The following MICU3 variants were observed in gnomAD, a reference collection of about 807,000 sequenced individuals.
MICU3 encodes mitochondrial calcium uptake 3.
MICU3 carries 62 observed loss-of-function variants against 66.5 expected under a neutral mutation model. The ratio of observed to expected loss-of-function variants is 0.93; its 90% CI spans 0.76 to 1.15. The LOEUF (loss-of-function observed/expected upper bound fraction) is 1.15, where lower values mean the gene tolerates loss of function less well. Ranked by LOEUF, MICU3 falls within the 50% of genes most tolerant of loss-of-function variation. The pLI, the probability that MICU3 is intolerant of heterozygous loss-of-function variation, is 0.00. For missense variants in MICU3, 779 were observed against 664.4 expected (o/e 1.17, Z -1.90); for synonymous variants, 308 against 240.7 (o/e 1.28, Z -2.59).
intron 1 of MICU3, among the ~76,000 whole-genome samples, chr8:17,063,525 C>A (rs982570774): frequency 6.6e-6 from 1 of 152,012 alleles, no homozygotes; most frequent in African/African-American, 2.4e-5. Context: ...AAAAGAGACC[C>A]CTAAAATTCA....
At chr8:17,097,758 C>T (rs768504886) in intron 8 of MICU3, among the ~76,000 whole-genome samples, 4 of 151,620 alleles carry the variant, frequency 2.6e-5, no homozygotes, top group Admixed American at 6.6e-5. Context: ...GTTAGGCTTG[C>T]AGTTTGACAT....
chr8:17,037,118 G>A (rs1335158513), intron 1 of MICU3, among the ~76,000 whole-genome samples: 3 of 152,186 alleles, frequency 2.0e-5, no homozygotes, highest in African/African-American at 7.2e-5. Flanking sequence ...CGACTGCGGG[G>A]CCTGCCAAGC....
rs565903682 is a variant in MICU3, at chr8:17,058,532, G to T, written c.382-5552G>T. Among the ~76,000 whole-genome samples, 477 of 149,370 alleles carry T rather than the reference G, an allele frequency of 3.2e-3. 2 individuals are homozygous for T. Among genetic ancestry groups the T allele is most frequent in the South Asian group, 6.2e-3 (29 of 4,700 alleles). On this transcript the variant is annotated intron_variant, in intron 1 of 14. Transcript: ENST00000318063. The stretch of plus-strand genomic sequence containing the variant: ...GTCATGTTCCGCCTTTATTATTGAT[G>T]TTTTTTTTTTCTTGAATGTTTATAA...
chr8:17,135,994 C>G, the MICU3 span, among the ~76,000 whole-genome samples: 1 of 152,062 alleles, frequency 6.6e-6, no homozygotes, highest in Non-Finnish European at 1.5e-5. Flanking sequence ...ATGTTAGCTT[C>G]TTCATCTATA....
At chr8:17,102,494 A>G (rs1801351155) in intron 9 of MICU3, 1 of 131,494 alleles carries the variant, frequency 7.6e-6, no homozygotes, top group Non-Finnish European at 1.5e-5. Context: ...TTCCCATTTT[A>G]TAGATAAGAA....
intron 1 of MICU3, among the ~76,000 whole-genome samples, chr8:17,062,362 T>C (rs954000075): frequency 2.6e-5 from 4 of 152,180 alleles, no homozygotes; most frequent in African/African-American, 7.2e-5. Context: ...TCCATATAGA[T>C]TGATATTCAT....
chr8:17,103,484 C>T (rs1801459577), intron 9 of MICU3, among the ~76,000 whole-genome samples: 1 of 151,624 alleles, frequency 6.6e-6, no homozygotes, highest in African/African-American at 2.4e-5. Flanking sequence ...TCTTTTTTCA[C>T]ATTTCCTAGG....
chr8:17,110,764 T>G (rs376596556), intron 11 of MICU3, among the ~76,000 whole-genome samples: 1 of 151,864 alleles, frequency 6.6e-6, no homozygotes, highest in East Asian at 1.9e-4. Context: ...GACAGGGTTT[T>G]TTTTTGTTTG....
At chr8:17,130,209 A>G in the MICU3 span, among the ~76,000 whole-genome samples, 2,751 of 152,278 alleles carry the variant, frequency 0.018, 219 homozygotes, top group East Asian at 0.26. Flanking sequence ...AAAATATACA[A>G]TGTTTTCCCT....
At chr8:17,100,080 C>T (rs565266013) in intron 9 of MICU3, among the ~76,000 whole-genome samples, 84 of 151,894 alleles carry the variant, frequency 5.5e-4, no homozygotes, top group African/African-American at 1.9e-3. Flanking sequence ...GCTTTTACAG[C>T]TTCCCAGAGC....
chr8:17,130,865 C>T, the MICU3 span, among the ~76,000 whole-genome samples: 2 of 152,152 alleles, frequency 1.3e-5, no homozygotes, highest in Non-Finnish European at 2.9e-5. Flanking sequence ...TGTAAGTTCA[C>T]TAAACATTCC....
Position 17,046,124 on chromosome 8 carries a change from T to A in MICU3, c.382-17960T>A, listed in dbSNP as rs79674710. Among the ~76,000 whole-genome samples the A allele has an allele frequency of 8.4e-3, 1,275 of 152,320 alleles. 14 individuals carry two copies. The highest frequency in any genetic ancestry group is 0.029 in the African/African-American group (1,203 of 41,562). On this transcript the variant is annotated intron_variant, in intron 1 of 14. Transcript: ENST00000318063. The stretch of plus-strand genomic sequence containing the variant: ...CAAATTATTTGAATCCAAAGAGGGA[T>A]CATGTGAACCCCAGCTTGAAGCTAG...
downstream of MICU3, among the ~76,000 whole-genome samples, chr8:17,123,791 CATG>C (rs547151172): frequency 1.3e-5 from 2 of 151,796 alleles, no homozygotes; most frequent in Admixed American, 6.6e-5. Flanking sequence ...GTTTATATGA[CATG>C]ATCTGTAAAA....
rs1803257248 is a variant in MICU3 at position 17,122,390 on chromosome 8, A to G, written c.*2103A>G. 1 of 151,918 alleles carries G rather than the reference A, an allele frequency of 6.6e-6. No individual in the cohort carries two copies. Among genetic ancestry groups the G allele is most frequent in the African/African-American group, 2.4e-5 (1 of 41,464 alleles). 9.4% of individuals were successfully genotyped at this position (151,918 alleles called of 1,614,324 possible). A position where few individuals can be genotyped will look rare whatever the true frequency, so the allele number is the denominator to read the frequency against. Reference sequence around the variant, plus strand: ...AAATAATAATGTACTGACTACATGTATGCTGTTATTGTCAGTGTTTCCTTC... The same window carrying G: ...AAATAATAATGTACTGACTACATGTGTGCTGTTATTGTCAGTGTTTCCTTC... On this transcript the variant is annotated 3_prime_UTR_variant, in exon 15 of 15. Coordinates refer to ENST00000318063, the MANE Select transcript of MICU3 (RefSeq NM_181723.3).
intron 1 of MICU3, among the ~76,000 whole-genome samples, chr8:17,041,760 G>C (rs1164047978): frequency 6.6e-6 from 1 of 152,176 alleles, no homozygotes; most frequent in Non-Finnish European, 1.5e-5. Context: ...TAATAGGAGG[G>C]ATGCTGTTTC....
At chr8:17,135,815 A>G in the MICU3 span, among the ~76,000 whole-genome samples, 4 of 152,118 alleles carry the variant, frequency 2.6e-5, no homozygotes, top group Non-Finnish European at 4.4e-5. Flanking sequence ...ATCATCTCAA[A>G]TGCCTTTCAG....
chr8:17,047,234 G>T (rs953390258), intron 1 of MICU3, among the ~76,000 whole-genome samples: 1 of 152,178 alleles, frequency 6.6e-6, no homozygotes, highest in Non-Finnish European at 1.5e-5. Flanking sequence ...GCCATTGGAG[G>T]CCAGGTTGGC....
Position 17,027,785 on chromosome 8 carries a change from C to A in MICU3, c.381+125C>A, listed in dbSNP as rs1585125797. On this transcript the variant is annotated intron_variant, in intron 1 of 14. Transcript: ENST00000318063. ...CCGCGGGTGAGGAACTTCCCGTGAG[C>A]GAGGCTGACACCTAGGCCGGACAGC... 11 of 1,160,722 alleles carry A rather than the reference C, an allele frequency of 9.5e-6. No individual in the cohort carries two copies. The East Asian group carries it at 3.5e-4, about 37-fold the overall frequency. The allele number at this position is 1,160,722 out of a possible 1,614,324, so 71.9% of individuals were successfully genotyped here.
chr8:17,125,240 G>T (rs189613504), downstream of MICU3, among the ~76,000 whole-genome samples: 184 of 151,516 alleles, frequency 1.2e-3, no homozygotes, highest in African/African-American at 3.9e-3. Context: ...TTCTTGAGGG[G>T]TTTTTTTAAT....
Sources: allele counts gnomAD v4.1 joint callset (sites outside exome capture counted in the v4.1 genomes callset), GRCh38; gene constraint gnomAD v4.1.1; transcripts MANE v1.5; gene names NCBI Gene and HGNC (gene_info 2026-07-23, HGNC 2026-07-21).